The following ABCB5 variants were observed in gnomAD, a reference collection of about 807,000 sequenced individuals.
ABCB5 encodes the protein ATP-binding cassette sub-family B member 5.
In ABCB5, 155 loss-of-function variants were observed where a neutral mutation model predicts 144.2. The ratio of observed to expected loss-of-function variants is 1.08; its 90% CI spans 0.94 to 1.23. The LOEUF is 1.23. Ranked by LOEUF, ABCB5 falls within the 50% of genes most tolerant of loss-of-function variation. ABCB5 has a pLI of 0.00. For missense variants in ABCB5, 1,830 were observed against 1,520.8 expected (o/e 1.20, Z -3.38); for synonymous variants, 610 against 528.6 (o/e 1.15, Z -2.11).
chr7:20,705,236 C>T (rs1034969551), intron 20 of ABCB5, among the ~76,000 whole-genome samples: 1 of 152,046 alleles, frequency 6.6e-6, no homozygotes, highest in African/African-American at 2.4e-5. Context: ...ATGTGTGCAT[C>T]AGAAATGATT....
At position 20,709,701 on chromosome 7, in the gene ABCB5, G is replaced by A. The variant is rs1213451344; in HGVS notation, c.2421+4894G>A. 2.0e-5 allele frequency among the ~76,000 whole-genome samples: 3 copies of A among 150,084 alleles called. 1 individual carries two copies. Among genetic ancestry groups the A allele is most frequent in the Non-Finnish European group, 4.4e-5 (3 of 67,438 alleles). On this transcript the variant is annotated intron_variant, in intron 20 of 27. Coordinates refer to ENST00000404938, the MANE Select transcript of ABCB5 (RefSeq NM_001163941.2). ...GCTGAGAAGCAGGGTAAAGTGATGA[G>A]AGTGGCACATATGGTTTCTCTAGCA...
chr7:20,626,681 T>C (rs2128017725), intron 3 of ABCB5, 70 bp downstream of exon 3: 1 of 1,248,494 alleles, frequency 8.0e-7, no homozygotes, highest in Non-Finnish European at 1.1e-6. Context: ...GCATAGAAGA[T>C]TGTGTTTATT....
intron 15 of ABCB5, among the ~76,000 whole-genome samples, chr7:20,683,822 G>A (rs1444975023): frequency 6.6e-6 from 1 of 152,032 alleles, no homozygotes; most frequent in African/African-American, 2.4e-5. Flanking sequence ...TGCCAAGATT[G>A]ACTGCGGTAT....
At chr7:20,650,550 C>T (rs10950826) in intron 12 of ABCB5, among the ~76,000 whole-genome samples, 39,160 of 151,184 alleles carry the variant, frequency 0.26, 6,537 homozygotes, top group African/African-American at 0.47. Context: ...ATGTAGAAAA[C>T]ATCTCCACTT....
At chr7:20,661,741 G>A (rs1785010506) in intron 14 of ABCB5, among the ~76,000 whole-genome samples, 1 of 151,616 alleles carries the variant, frequency 6.6e-6, no homozygotes, top group South Asian at 2.1e-4. Flanking sequence ...CACCATGTTG[G>A]TCAGGCTGGT....
intron 19 of ABCB5, among the ~76,000 whole-genome samples, chr7:20,704,170 G>A (rs1301245805): frequency 7.5e-6 from 1 of 133,418 alleles, no homozygotes; most frequent in Non-Finnish European, 1.5e-5. Context: ...CTGCCTCCCA[G>A]GCTCAAGCAA....
intron 20 of ABCB5, among the ~76,000 whole-genome samples, chr7:20,713,708 G>C (rs1352893838): frequency 6.7e-6 from 1 of 149,544 alleles, no homozygotes; most frequent in African/African-American, 2.5e-5. Flanking sequence ...CAGGAGTGGA[G>C]CCTACTACAA....
At position 20,756,949 on chromosome 7, in the gene ABCB5, C is replaced by A. The variant is rs568156520; in HGVS notation, c.*1325C>A. On this transcript the variant is annotated 3_prime_UTR_variant, in exon 28 of 28. Transcript: ENST00000404938. ...AAATCTTGTTAAACAAAATTAAAACCATTTATATATTATGCTGCTTTCTTT... is the reference window on the plus strand; with the variant it reads ...AAATCTTGTTAAACAAAATTAAAACAATTTATATATTATGCTGCTTTCTTT... 3.9e-5 allele frequency: 6 copies of A among 152,222 alleles called. No individual in the cohort carries two copies. Among genetic ancestry groups the A allele is most frequent in the Non-Finnish European group, 7.4e-5 (5 of 68,026 alleles). The allele number at this position is 152,222 out of a possible 1,614,324, so 9.4% of individuals were successfully genotyped here. A position where few individuals can be genotyped will look rare whatever the true frequency, so the allele number is the denominator to read the frequency against.
chr7:20,725,276 T>C (rs1233449088), intron 21 of ABCB5, among the ~76,000 whole-genome samples: 1 of 152,072 alleles, frequency 6.6e-6, no homozygotes, highest in Non-Finnish European at 1.5e-5. Flanking sequence ...TTATCAAACG[T>C]TTAGTTTTTA....
intron 20 of ABCB5, 28 bp downstream of exon 20, chr7:20,704,835 A>T (rs773743394): frequency 1.9e-6 from 3 of 1,566,316 alleles, no homozygotes; most frequent in Non-Finnish European, 2.6e-6. Context: ...ATTGTAAATG[A>T]TGTATGTATG....
intron 26 of ABCB5, among the ~76,000 whole-genome samples, chr7:20,746,141 C>G (rs899398188): frequency 3.3e-5 from 5 of 151,996 alleles, no homozygotes; most frequent in African/African-American, 1.2e-4. Context: ...CTCTTGTTGC[C>G]CAGGCTAGAG....
intron 1 of ABCB5, among the ~76,000 whole-genome samples, chr7:20,617,067 GT>G (rs1783702060): frequency 6.6e-6 from 1 of 152,098 alleles, no homozygotes; most frequent in Admixed American, 6.5e-5. Flanking sequence ...AAATTACCCT[GT>G]TTTAATTATA....
At chr7:20,729,730 A>G (rs1782149394) in intron 23 of ABCB5, among the ~76,000 whole-genome samples, 1 of 152,236 alleles carries the variant, frequency 6.6e-6, no homozygotes, top group African/African-American at 2.4e-5. Flanking sequence ...AAGTAACATT[A>G]TGTTATTTTT....
chr7:20,672,175 G>A (rs1785472135), intron 14 of ABCB5, among the ~76,000 whole-genome samples: 1 of 151,814 alleles, frequency 6.6e-6, no homozygotes, highest in African/African-American at 2.4e-5. Flanking sequence ...CTTATTACTG[G>A]GTTTTGAGAA....
intron 23 of ABCB5, among the ~76,000 whole-genome samples, chr7:20,731,226 C>A (rs1046695202): frequency 6.6e-6 from 1 of 151,332 alleles, no homozygotes; most frequent in South Asian, 2.1e-4. Context: ...TGGTGGTGGG[C>A]GCCTGTAATC....
intron 20 of ABCB5, among the ~76,000 whole-genome samples, chr7:20,707,809 T>C (rs1330483854): frequency 2.1e-5 from 3 of 142,788 alleles, no homozygotes; most frequent in Non-Finnish European, 4.6e-5. Flanking sequence ...TTCTTTTTTT[T>C]TTTTTTTTTT....
chr7:20,647,572 G>A lies in ABCB5; in HGVS notation c.1019G>A (p.Gly340Glu). The change falls in exon 10 of 28, where the codon GGA becomes GAA. Residue 340 changes from glycine (G) to glutamate (E), a missense_variant. Physicochemically the swap from Gly to Glu is moderately conservative, Grantham distance 98. Coordinates refer to ENST00000404938, the MANE Select transcript of ABCB5 (RefSeq NM_001163941.2). ...FSVIHSSYCI[G>E]AAVPHFETFA... ...GTAATCCATAGCAGTTATTGCATTG[G>A]AGCAGCAGTCCCTCACTTTGAAACC... The A allele has an allele frequency of 6.3e-7, 1 of 1,588,516 alleles. No individual in the cohort carries two copies. Among genetic ancestry groups the A allele is most frequent in the Non-Finnish European group, 8.6e-7 (1 of 1,166,322 alleles).
At chr7:20,654,358 C>G (rs575705903) in intron 13 of ABCB5, among the ~76,000 whole-genome samples, 97 of 151,992 alleles carry the variant, frequency 6.4e-4, no homozygotes, top group Non-Finnish European at 1.0e-3. Flanking sequence ...AAAAGGGCTT[C>G]AAAATACATG....
Position 20,728,358 on chromosome 7 carries a change from T to C in ABCB5, c.2770T>C (p.Phe924Leu), listed in dbSNP as rs117749018. ...KAQIIGSCYA[F>L]SHAFIYFAYA... ...ACAGATTATTGGAAGCTGTTATGCATTCAGCCATGCCTTTATATATTTTGC... is the reference window on the plus strand; with the variant it reads ...ACAGATTATTGGAAGCTGTTATGCACTCAGCCATGCCTTTATATATTTTGC... Residue 924 changes from phenylalanine (F) to leucine (L), a missense_variant, in exon 23 of 28, where the codon TTC becomes CTC. By Grantham distance (22) the Phe-to-Leu change is conservative. Coordinates refer to ENST00000404938, the MANE Select transcript of ABCB5 (RefSeq NM_001163941.2). 0.011 allele frequency: 18,288 copies of C among 1,614,176 alleles called. 119 individuals carry two copies. The highest frequency in any genetic ancestry group is 0.019 in the Middle Eastern group (115 of 6,062).
Sources: gnomAD v4.1 joint callset for allele counts (sites outside exome capture counted in the v4.1 genomes callset) on GRCh38, gnomAD v4.1.1 for gene constraint, MANE v1.5 for transcripts, NCBI Gene and HGNC (gene_info 2026-07-23, HGNC 2026-07-21) for gene names.